The following RAB11FIP3 variants were observed in gnomAD, a reference collection of about 807,000 sequenced individuals.
RAB11FIP3 encodes rab11 family-interacting protein 3.
A neutral mutation model predicts 77.8 loss-of-function variants in RAB11FIP3; 17 were observed. The observed-to-expected ratio is 0.22, with a 90% CI of 0.15 to 0.33. The LOEUF is 0.33. Among genes scored for constraint, RAB11FIP3 ranks in the 10% least tolerant of loss-of-function variants. The pLI is 1.00. For synonymous variants in RAB11FIP3, 437 were observed against 448.2 expected, an observed-to-expected ratio of 0.98 and a Z score of 0.31; for missense variants, 1,005 against 1,011.2, an observed-to-expected ratio of 0.99 and a Z score of 0.08.
Position 426,178 on chromosome 16 carries a change from C to T in RAB11FIP3, c.172C>T (p.Pro58Ser). ...PDPQSPGLDE[P>S]APGAAADGGA... ...CCCGCAGTCCCCGGGCCTGGATGAG[C>T]CTGCGCCCGGGGCCGCTGCAGATGG... The change falls in exon 1 of 14, where the codon CCT becomes TCT. Residue 58 changes from proline to serine, a missense_variant. Coordinates refer to ENST00000262305, the MANE Select transcript of RAB11FIP3 (RefSeq NM_014700.4). The surrounding 1 kb of genome is among the most constrained non-coding windows in gnomAD (Gnocchi z 5.0). The T allele has an allele frequency of 9.8e-7, 1 of 1,016,298 alleles. No homozygotes were observed. The highest frequency in any genetic ancestry group is 1.2e-6 in the Non-Finnish European group (1 of 851,988). 63.0% of individuals were successfully genotyped at this position (1,016,298 alleles called of 1,614,324 possible). A position where few individuals can be genotyped will look rare whatever the true frequency, so the allele number is the denominator to read the frequency against.
chr16:506,998 G>C lies in RAB11FIP3; in HGVS notation c.1499+1371G>C, dbSNP rs1291951705. Among the ~76,000 whole-genome samples the C allele has an allele frequency of 6.6e-6, 1 of 152,100 alleles. No homozygotes were observed. The highest frequency in any genetic ancestry group is 2.4e-5 in the African/African-American group (1 of 41,406). On this transcript the variant is annotated intron_variant, in intron 8 of 13. Transcript: ENST00000262305. The surrounding 1 kb of genome is among the most constrained non-coding windows in gnomAD (Gnocchi z 4.5). ...TTTGTTTTTTGAGAGACAGGGCCTCGCTCTGTTGCTCAGGCTGAGTGCTGA... is the reference window on the plus strand; with the variant it reads ...TTTGTTTTTTGAGAGACAGGGCCTCCCTCTGTTGCTCAGGCTGAGTGCTGA...
At chr16:443,555 G>C (rs1365481491) in intron 1 of RAB11FIP3, among the ~76,000 whole-genome samples, 1 of 152,102 alleles carries the variant, frequency 6.6e-6, no homozygotes, top group Non-Finnish European at 1.5e-5. Flanking sequence ...TCTGCAGCAT[G>C]ATCTTTGGTG....
At position 492,358 on chromosome 16, in the gene RAB11FIP3, G is replaced by GCCCCTCCCGGGGGACCCGAGGCC. The variant is rs1567391717; in HGVS notation, c.1265+3358_1265+3359insCCCCTCCCGGGGGACCCGAGGCC. Among the ~76,000 whole-genome samples, 35 of 90,964 alleles carry GCCCCTCCCGGGGGACCCGAGGCC rather than the reference G, an allele frequency of 3.8e-4. 1 individual carries two copies. The East Asian group carries it at 0.012, about 32-fold the overall frequency. The allele number at this position is 90,964 out of a possible 152,430, so 59.7% of individuals were successfully genotyped here. A position where few individuals can be genotyped will look rare whatever the true frequency, so the allele number is the denominator to read the frequency against. ...GAAAGCAGAAGTGCTCTTTGAAGAG[G>GCCCCTCCCGGGGGACCCGAGGCC]GTCTTCCCGGGAGACCCGAGGCCGC... On this transcript the variant is annotated intron_variant, in intron 5 of 13. Coordinates refer to ENST00000262305, the MANE Select transcript of RAB11FIP3 (RefSeq NM_014700.4).
At chr16:452,509 A>G (rs978020884) in intron 1 of RAB11FIP3, 3 of 150,254 alleles carry the variant, frequency 2.0e-5, no homozygotes, top group African/African-American at 7.3e-5. Context: ...ATCTCGGCTC[A>G]CTGCAAGCTC....
At chr16:519,459 C>T (rs1196229221) in intron 10 of RAB11FIP3, among the ~76,000 whole-genome samples, 1 of 152,240 alleles carries the variant, frequency 6.6e-6, no homozygotes, top group African/African-American at 2.4e-5. Flanking sequence ...ACCAGAGGAG[C>T]CCGGCTGGAG....
At chr16:477,686 C>G (rs1241630846) in intron 3 of RAB11FIP3, 6 of 985,042 alleles carry the variant, frequency 6.1e-6, no homozygotes, top group Non-Finnish European at 6.0e-6. Context: ...GGGTTTCTTA[C>G]AGTGCTCTCC....
At chr16:440,137 C>T (rs1333846804) in intron 1 of RAB11FIP3, among the ~76,000 whole-genome samples, 1 of 151,402 alleles carries the variant, frequency 6.6e-6, no homozygotes, top group African/African-American at 2.4e-5. Flanking sequence ...GCCACCGCGC[C>T]CGGCCTTCTT....
chr16:430,059 C>T (rs1245191164), intron 1 of RAB11FIP3, among the ~76,000 whole-genome samples: 1 of 152,042 alleles, frequency 6.6e-6, no homozygotes, highest in African/African-American at 2.4e-5. Flanking sequence ...GAAATCAGCA[C>T]ATGAAAGGAG....
rs1187396276 is a variant in RAB11FIP3, at chr16:521,495, C to T, written c.*656C>T. ...CCATTGCCCAGCCAGATGTGGTCAC[C>T]TCAGTCCAGCTCTGGGGCCTCCAGG... On this transcript the variant is annotated 3_prime_UTR_variant, in exon 14 of 14. Transcript: ENST00000262305. 2 of 153,168 alleles carry T rather than the reference C, an allele frequency of 1.3e-5. No homozygotes were observed. The highest frequency in any genetic ancestry group is 2.9e-5 in the Non-Finnish European group (2 of 68,702). 9.5% of individuals were successfully genotyped at this position (153,168 alleles called of 1,614,324 possible).
intron 2 of RAB11FIP3, among the ~76,000 whole-genome samples, chr16:470,392 C>G (rs1313314611): frequency 2.0e-5 from 3 of 152,234 alleles, no homozygotes; most frequent in Non-Finnish European, 4.4e-5. Flanking sequence ...CTCAGCCTCC[C>G]AAAGTGCTGG....
At chr16:432,721 T>C (rs1332481112) in intron 1 of RAB11FIP3, among the ~76,000 whole-genome samples, 1 of 149,680 alleles carries the variant, frequency 6.7e-6, no homozygotes, top group African/African-American at 2.5e-5. Context: ...TGCCTCAGAC[T>C]CCCTCAGCCA....
At chr16:477,902 T>C (rs1398732793) in intron 3 of RAB11FIP3, among the ~76,000 whole-genome samples, 1 of 152,210 alleles carries the variant, frequency 6.6e-6, no homozygotes, top group Non-Finnish European at 1.5e-5. Context: ...GTTTCTGTGC[T>C]TTGAAAAGCA....
intron 3 of RAB11FIP3, 172 bp from the exon 4 acceptor site, chr16:482,353 G>T (rs1002870353): frequency 4.1e-6 from 3 of 733,240 alleles, no homozygotes; most frequent in Non-Finnish European, 7.3e-6. Flanking sequence ...ACCGCGCCCA[G>T]CCTGAATTGT....
intron 1 of RAB11FIP3, among the ~76,000 whole-genome samples, chr16:440,065 C>T (rs2055198764): frequency 6.6e-6 from 1 of 152,002 alleles, no homozygotes; most frequent in Non-Finnish European, 1.5e-5. Context: ...TGGTCTCGAT[C>T]TCCTGACCTC....
chr16:434,592 A>G (rs201977155), intron 1 of RAB11FIP3, among the ~76,000 whole-genome samples: 1 of 151,400 alleles, frequency 6.6e-6, no homozygotes, highest in African/African-American at 2.4e-5. Flanking sequence ...ACACCTGCCT[A>G]ATTTTTCTAT....
At chr16:484,393 C>A (rs1217586953) in intron 4 of RAB11FIP3, among the ~76,000 whole-genome samples, 1 of 152,096 alleles carries the variant, frequency 6.6e-6, no homozygotes, top group Non-Finnish European at 1.5e-5. Context: ...GCTCTGTCGC[C>A]CAGGCTGGAG....
rs561406988 is a variant in RAB11FIP3 at position 476,758 on chromosome 16, CAG to C, written c.903+5372_903+5373del. ...CGCCACTGCACTCCAGCCTGGGCGA[CAG>C]AGCAAGACTCTGTCTCAAAAAAAAA... is the stretch of plus-strand genomic sequence containing the variant. On this transcript the variant is annotated intron_variant, in intron 3 of 13. Transcript: ENST00000262305. Among the ~76,000 whole-genome samples, 486 of 138,114 alleles carry C rather than the reference CAG, an allele frequency of 3.5e-3. 3 individuals carry two copies. Among genetic ancestry groups the C allele is most frequent in the South Asian group, 0.011 (49 of 4,326 alleles). The allele number at this position is 138,114 out of a possible 152,430, so 90.6% of individuals were successfully genotyped here. A position where few individuals can be genotyped will look rare whatever the true frequency, so the allele number is the denominator to read the frequency against.
chr16:518,450 G>A (rs1341459561), intron 9 of RAB11FIP3, among the ~76,000 whole-genome samples: 3 of 152,154 alleles, frequency 2.0e-5, no homozygotes, highest in African/African-American at 4.8e-5. Context: ...GTGGATGGCC[G>A]GCGGGGTGGC....
rs1481618724 is a variant in RAB11FIP3 at position 472,415 on chromosome 16, G to A, written c.903+1026G>A. ...TGGCCTTGGTGTGCTCTTTCTGCACGTGAGGCAGCAGTGAGGTGCTGGCTA... is the reference window on the plus strand; with the variant it reads ...TGGCCTTGGTGTGCTCTTTCTGCACATGAGGCAGCAGTGAGGTGCTGGCTA... On this transcript the variant is annotated intron_variant, in intron 3 of 13. Transcript: ENST00000262305. This position sits in a 1 kb window ranked among gnomAD's most constrained non-coding sequence, Gnocchi z 4.1. Among the ~76,000 whole-genome samples the A allele has an allele frequency of 1.3e-5, 2 of 152,216 alleles. No homozygotes were observed. The highest frequency in any genetic ancestry group is 1.9e-4 in the East Asian group (1 of 5,198).
Sources: gnomAD v4.1 joint callset for allele counts (sites outside exome capture counted in the v4.1 genomes callset) on GRCh38, gnomAD v4.1.1 for gene constraint, Gnocchi (gnomAD v3.1) non-coding constraint, MANE v1.5 for transcripts, NCBI Gene and HGNC (gene_info 2026-07-23, HGNC 2026-07-21) for gene names.